RTN1: variants seen among roughly 807,000 people sequenced by gnomAD.
RTN1 encodes the protein reticulon 1.
A neutral mutation model predicts 65.5 loss-of-function variants in RTN1; 25 were observed. The ratio of observed to expected loss-of-function variants is 0.38; its 90% CI spans 0.28 to 0.53. The LOEUF (loss-of-function observed/expected upper bound fraction) is 0.53. RTN1 is among the 20% of genes least tolerant of loss of function. RTN1 has a pLI of 0.79. For missense variants in RTN1, 983 were observed against 1,025.4 expected, an observed-to-expected ratio of 0.96 and a Z score of 0.57; for synonymous variants, 471 against 447.6, an observed-to-expected ratio of 1.05 and a Z score of -0.66.
chr14:59,702,163 G>A (rs1386954303), intron 3 of RTN1, among the ~76,000 whole-genome samples: 1 of 152,080 alleles, frequency 6.6e-6, no homozygotes, highest in Non-Finnish European at 1.5e-5. Context: ...AATGCTTTTA[G>A]ATGAAGCATT....
At chr14:59,751,322 A>C (rs1303293174) in intron 1 of RTN1, among the ~76,000 whole-genome samples, 1 of 151,936 alleles carries the variant, frequency 6.6e-6, no homozygotes, top group Non-Finnish European at 1.5e-5. Flanking sequence ...CACCAAACAA[A>C]AAAACTATTA....
intron 8 of RTN1, among the ~76,000 whole-genome samples, chr14:59,599,269 T>C (rs1881503968): frequency 6.6e-6 from 1 of 152,246 alleles, no homozygotes; most frequent in Non-Finnish European, 1.5e-5. Flanking sequence ...TTCACTTTCC[T>C]TATTAATTTC....
At chr14:59,772,041 G>T (rs1885968688) in intron 1 of RTN1, among the ~76,000 whole-genome samples, 1 of 152,162 alleles carries the variant, frequency 6.6e-6, no homozygotes, top group Non-Finnish European at 1.5e-5. Flanking sequence ...GTTAATAAAA[G>T]CTGAACAAAT....
intron 3 of RTN1, among the ~76,000 whole-genome samples, chr14:59,665,782 G>A (rs1426253946): frequency 1.3e-5 from 2 of 151,902 alleles, no homozygotes; most frequent in African/African-American, 2.4e-5. Context: ...AAAAAGCAGG[G>A]GTTGCAATCC....
chr14:59,869,434 A>C (rs938896881), intron 1 of RTN1, among the ~76,000 whole-genome samples: 10 of 152,062 alleles, frequency 6.6e-5, no homozygotes, highest in African/African-American at 2.4e-4. Flanking sequence ...AACAGCGTTA[A>C]CCAGGCCGGC....
At chr14:59,617,296 A>T (rs907006224) in intron 3 of RTN1, among the ~76,000 whole-genome samples, 5 of 152,206 alleles carry the variant, frequency 3.3e-5, no homozygotes, top group African/African-American at 7.2e-5. Flanking sequence ...ACCCCAAGTT[A>T]TTTTGGGACC....
At chr14:59,734,725 T>C (rs1884969441) in intron 2 of RTN1, among the ~76,000 whole-genome samples, 1 of 151,816 alleles carries the variant, frequency 6.6e-6, no homozygotes, top group South Asian at 2.1e-4. Context: ...CTCTGAGAAA[T>C]ATAGAATTAT....
chr14:59,741,449 T>C lies in RTN1; in HGVS notation c.1015+4259A>G, dbSNP rs76674843. On this transcript the variant is annotated intron_variant, in intron 2 of 8. Transcript: ENST00000267484. ...TTATATATTTGGTTATTTGTGTGTATGTCTTCTCAACTAGATTGTAAGCTC... is the reference window on the plus strand; with the variant it reads ...TTATATATTTGGTTATTTGTGTGTACGTCTTCTCAACTAGATTGTAAGCTC... Among the ~76,000 whole-genome samples, 394 of 152,328 alleles carry C rather than the reference T, an allele frequency of 2.6e-3. 5 individuals carry two copies. In the East Asian group the frequency reaches 0.037, roughly 14 times the overall value.
chr14:59,798,270 C>A (rs1886475660), intron 1 of RTN1, among the ~76,000 whole-genome samples: 1 of 152,146 alleles, frequency 6.6e-6, no homozygotes, highest in Admixed American at 6.5e-5. Context: ...TCAGATATAG[C>A]TCACCACTGA....
At chr14:59,822,853 C>T (rs1450160960) in intron 1 of RTN1, among the ~76,000 whole-genome samples, 1 of 150,726 alleles carries the variant, frequency 6.6e-6, no homozygotes, top group East Asian at 1.9e-4. Context: ...CTGCTGTGGT[C>T]CAAGAGTATG....
intron 3 of RTN1, among the ~76,000 whole-genome samples, chr14:59,608,932 G>A (rs913759631): frequency 2.0e-5 from 3 of 152,068 alleles, no homozygotes; most frequent in African/African-American, 7.2e-5. Flanking sequence ...AAAGTACTGT[G>A]CTCTAAAGCC....
At chr14:59,690,368 T>C (rs1883935774) in intron 3 of RTN1, among the ~76,000 whole-genome samples, 1 of 151,962 alleles carries the variant, frequency 6.6e-6, no homozygotes, top group Non-Finnish European at 1.5e-5. Flanking sequence ...CATCACATAA[T>C]TATAAAGCAT....
chr14:59,722,820 A>G (rs1270430424), intron 3 of RTN1, among the ~76,000 whole-genome samples: 1 of 149,192 alleles, frequency 6.7e-6, no homozygotes, highest in Admixed American at 6.6e-5. Flanking sequence ...TTTTGAGACA[A>G]GGTGTCTTTC....
At chr14:59,822,248 T>C (rs776814198) in intron 1 of RTN1, among the ~76,000 whole-genome samples, 1 of 152,202 alleles carries the variant, frequency 6.6e-6, no homozygotes, top group Non-Finnish European at 1.5e-5. Context: ...GGAGGTTGTA[T>C]GTTTCCAGAA....
chr14:59,618,078 T>C, intron 3 of RTN1, among the ~76,000 whole-genome samples: 1 of 152,196 alleles, frequency 6.6e-6, no homozygotes, highest in East Asian at 1.9e-4. Context: ...ACCTCTAAGC[T>C]GTCCTTGTTC....
chr14:59,749,344 A>C (rs1459475808), intron 1 of RTN1, among the ~76,000 whole-genome samples: 2 of 70,888 alleles, frequency 2.8e-5, no homozygotes, highest in East Asian at 3.8e-4. Context: ...ATATCTATAT[A>C]TATCTATATA....
At chr14:59,659,123 G>A (rs1224561266) in intron 3 of RTN1, among the ~76,000 whole-genome samples, 1 of 151,652 alleles carries the variant, frequency 6.6e-6, no homozygotes, top group African/African-American at 2.4e-5. Flanking sequence ...TCAAGTGGAA[G>A]AAAGGATATC....
At chr14:59,696,322 G>C (rs1268641836) in intron 3 of RTN1, among the ~76,000 whole-genome samples, 1 of 152,122 alleles carries the variant, frequency 6.6e-6, no homozygotes, top group Non-Finnish European at 1.5e-5. Context: ...AATTACCTTG[G>C]TGTCTTCAGA....
At chr14:59,693,743 C>T (rs1884007378) in intron 3 of RTN1, among the ~76,000 whole-genome samples, 1 of 152,150 alleles carries the variant, frequency 6.6e-6, no homozygotes, top group Admixed American at 6.5e-5. Context: ...ATCTGGACTC[C>T]AAGTCCAATT....
Sources: allele counts gnomAD v4.1 joint callset (sites outside exome capture counted in the v4.1 genomes callset), GRCh38; gene constraint gnomAD v4.1.1; transcripts MANE v1.5; gene names NCBI Gene and HGNC (gene_info 2026-07-23, HGNC 2026-07-21).